The following NUP98 variants were observed in gnomAD, a reference collection of about 807,000 sequenced individuals.
NUP98 encodes the protein nucleoporin 98 and 96 precursor.
A neutral mutation model predicts 191.9 loss-of-function variants in NUP98; 26 were observed. The ratio of observed to expected loss-of-function variants is 0.14; its 90% CI spans 0.10 to 0.19. The LOEUF is 0.19. Ranked by LOEUF, NUP98 falls within the 10% of genes least tolerant of loss-of-function variation. The pLI, the probability that NUP98 is intolerant of heterozygous loss-of-function variation, is 1.00. For synonymous variants in NUP98, 808 were observed against 778.4 expected (o/e 1.04, Z -0.63); for missense variants, 1,941 against 2,178.8 (o/e 0.89, Z 2.17).
In NUP98 at chr11:3,690,838, C is replaced by T. The variant is rs190947210; in HGVS notation, c.4454+509G>A. ...AATAGATACATAAACCATGTACCCC[C>T]GCTAAAAAAAACCCAAAACTAACTT... On this transcript the variant is annotated intron_variant, in intron 28 of 32. Transcript: ENST00000324932. 3.9e-5 allele frequency among the ~76,000 whole-genome samples: 6 copies of T among 151,950 alleles called. No individual in the cohort carries two copies. In the East Asian group the frequency reaches 5.8e-4, roughly 15 times the overall value.
At chr11:3,760,153 CCAA>C (rs1377057677) in intron 10 of NUP98, 2 of 187,426 alleles carry the variant, frequency 1.1e-5, no homozygotes, top group South Asian at 1.4e-4. Context: ...ACACAACAAA[CCAA>C]CAACGACAAA....
At chr11:3,756,795 A>C (rs183974789) in intron 10 of NUP98, among the ~76,000 whole-genome samples, 72 of 152,230 alleles carry the variant, frequency 4.7e-4, no homozygotes, top group African/African-American at 1.7e-3. Flanking sequence ...TATCTTTAAA[A>C]AAATTTTGTC....
chr11:3,791,531 C>A (rs1267416934), intron 1 of NUP98, among the ~76,000 whole-genome samples: 1 of 52,538 alleles, frequency 1.9e-5, no homozygotes, highest in Non-Finnish European at 3.3e-5. Flanking sequence ...GAGACCTCGT[C>A]TCAAAAAAAA....
chr11:3,792,458 A>T (rs1231403204), intron 1 of NUP98, among the ~76,000 whole-genome samples: 1 of 152,044 alleles, frequency 6.6e-6, no homozygotes, highest in Non-Finnish European at 1.5e-5. Context: ...AAAAAATACA[A>T]AAATTAGCCA....
chr11:3,753,249 C>T (rs2080832456), intron 11 of NUP98, 67 bp downstream of exon 11: 4 of 1,316,258 alleles, frequency 3.0e-6, no homozygotes, highest in Middle Eastern at 1.8e-4. Context: ...AAACAGATCT[C>T]TCAAGTTCCA....
intron 28 of NUP98, among the ~76,000 whole-genome samples, chr11:3,688,388 A>G (rs2078193098): frequency 6.6e-6 from 1 of 152,090 alleles, no homozygotes; most frequent in African/African-American, 2.4e-5. Flanking sequence ...CCTGGGCGAC[A>G]GAGCGAGACT....
intron 14 of NUP98, among the ~76,000 whole-genome samples, chr11:3,726,098 T>G (rs1010824979): frequency 1.1e-4 from 17 of 152,168 alleles, no homozygotes; most frequent in African/African-American, 4.1e-4. Context: ...CAAGTACACA[T>G]GGAACATTTA....
chr11:3,701,662 CATT>C (rs1274642339), intron 23 of NUP98, among the ~76,000 whole-genome samples: 1 of 151,604 alleles, frequency 6.6e-6, no homozygotes. Flanking sequence ...GTTCAAGAGA[CATT>C]GTTGTTTTTT....
chr11:3,694,994 T>C (rs2078457218), intron 26 of NUP98, among the ~76,000 whole-genome samples: 1 of 152,150 alleles, frequency 6.6e-6, no homozygotes, highest in Non-Finnish European at 1.5e-5. Context: ...ACAACATATA[T>C]GTGGATGTAG....
Position 3,753,318 on chromosome 11 carries a change from G to C in NUP98, c.1265C>G (p.Thr422Arg). 1 of 1,613,058 alleles carries C rather than the reference G, an allele frequency of 6.2e-7. No homozygotes were observed. The highest frequency in any genetic ancestry group is 8.5e-7 in the Non-Finnish European group (1 of 1,179,100). ...LGTGLGAGFG[T>R]ALGAGQASLF... ...ATCTCATGGTAGCAGTTTCTTACCTGTTCCAAATCCTGCACCAAGCCCAGT... is the reference window on the plus strand; with the variant it reads ...ATCTCATGGTAGCAGTTTCTTACCTCTTCCAAATCCTGCACCAAGCCCAGT... Residue 422 changes from threonine to arginine, a missense_variant and splice_region_variant, in exon 11 of 33, where the codon ACA becomes AGA. By Grantham distance (71) the Thr-to-Arg change is moderately conservative (BLOSUM62 -1). Transcript: ENST00000324932.
chr11:3,773,981 A>C (rs2081616414), intron 5 of NUP98, among the ~76,000 whole-genome samples: 1 of 152,230 alleles, frequency 6.6e-6, no homozygotes, highest in Non-Finnish European at 1.5e-5. Flanking sequence ...CCCATAACCC[A>C]AGCCATCCAA....
chr11:3,689,660 G>C (rs1392356273), intron 28 of NUP98, among the ~76,000 whole-genome samples: 1 of 152,112 alleles, frequency 6.6e-6, no homozygotes, highest in Non-Finnish European at 1.5e-5. Flanking sequence ...TTTGGAGACA[G>C]GGTCTCTCTC....
At chr11:3,714,188 A>G (rs113369145) in intron 18 of NUP98, among the ~76,000 whole-genome samples, 193 bp from the exon 19 acceptor site, 8 of 152,174 alleles carry the variant, frequency 5.3e-5, no homozygotes, top group South Asian at 2.1e-4. Context: ...TGACAACTCA[A>G]TATCTGGTTC....
chr11:3,739,728 A>G (rs1244932470), intron 12 of NUP98, among the ~76,000 whole-genome samples: 1 of 152,108 alleles, frequency 6.6e-6, no homozygotes, highest in East Asian at 1.9e-4. Context: ...AAATCTAACA[A>G]ATTTCTAGGG....
chr11:3,782,150 G>A lies in NUP98; in HGVS notation c.-28-5C>T. 1 of 1,475,352 alleles carries A rather than the reference G, an allele frequency of 6.8e-7. No homozygotes were observed. Among genetic ancestry groups the A allele is most frequent in the Non-Finnish European group, 9.4e-7 (1 of 1,063,938 alleles). 91.4% of individuals were successfully genotyped at this position (1,475,352 alleles called of 1,614,324 possible). A position where few individuals can be genotyped will look rare whatever the true frequency, so the allele number is the denominator to read the frequency against. On this transcript the variant is annotated splice_region_variant and splice_polypyrimidine_tract_variant and intron_variant, in intron 1 of 32. Coordinates refer to ENST00000324932, the MANE Select transcript of NUP98 (RefSeq NM_016320.5). The stretch of plus-strand genomic sequence containing the variant: ...ATGAGTCTTTGTTTCAGAAAGCTGG[G>A]AAAAAGAAAACATTATCACTCTCTT...
chr11:3,679,810 G>T, intron 30 of NUP98, 102 bp from the exon 31 acceptor site: 1 of 1,184,862 alleles, frequency 8.4e-7, no homozygotes, highest in Non-Finnish European at 1.2e-6. Context: ...AAATAATGTT[G>T]GCTGGACTTC....
chr11:3,776,869 T>C (rs2081750612), intron 4 of NUP98, among the ~76,000 whole-genome samples: 1 of 152,150 alleles, frequency 6.6e-6, no homozygotes. Context: ...AATCCTTTGG[T>C]CAGCTAAGTG....
chr11:3,701,615 A>G (rs1023833315), intron 23 of NUP98, among the ~76,000 whole-genome samples: 5 of 152,046 alleles, frequency 3.3e-5, no homozygotes, highest in African/African-American at 4.8e-5. Context: ...CTTAACCTAG[A>G]ATAACTAAGT....
chr11:3,712,137 T>C (rs1453808837), intron 20 of NUP98: 15 of 1,061,436 alleles, frequency 1.4e-5, no homozygotes, highest in Admixed American at 1.1e-4. Context: ...AAAATGGAGA[T>C]TAAAAACCCT....
Sources: allele counts gnomAD v4.1 joint callset (sites outside exome capture counted in the v4.1 genomes callset), GRCh38; gene constraint gnomAD v4.1.1; transcripts MANE v1.5; gene names NCBI Gene and HGNC (gene_info 2026-07-23, HGNC 2026-07-21).